Variants in POLA1 observed in about 807,000 individuals in gnomAD.
POLA1 encodes the protein DNA polymerase alpha catalytic subunit.
POLA1 carries 15 observed loss-of-function variants against 124.0 expected under a neutral mutation model. The ratio of observed to expected loss-of-function variants is 0.12; its 90% CI spans 0.08 to 0.19. The LOEUF is 0.19. Among genes scored for constraint, POLA1 ranks in the 10% least tolerant of loss-of-function variants. The pLI is 1.00. For synonymous variants in POLA1, 408 were observed against 389.4 expected (o/e 1.05, Z -0.56); for missense variants, 886 against 1,103.4 (o/e 0.80, Z 2.79).
rs560132636 is a variant in POLA1 at position 24,944,599 on chromosome X, G to A, written c.4261+14050G>A. Among the ~76,000 whole-genome samples the A allele has an allele frequency of 2.7e-5, 3 of 112,106 alleles. No individual in the cohort carries two copies. The Admixed American group carries it at 2.8e-4, about 11-fold the overall frequency. On this transcript the variant is annotated intron_variant, in intron 36 of 36. Transcript: ENST00000379068. ...GAAATATCTTTTTCATTGCAGCAGAGTGTCACTGTAACATGCTACAGGCAT... is the reference window on the plus strand; with the variant it reads ...GAAATATCTTTTTCATTGCAGCAGAATGTCACTGTAACATGCTACAGGCAT...
In POLA1 at chrX:24,821,454, A is replaced by G. The variant is rs2046086913; in HGVS notation, c.3432A>G (p.Ala1144=). The change falls in exon 31 of 37, where the codon GCA becomes GCG. Residue 1144 remains alanine (A), a splice_region_variant and synonymous_variant. Transcript: ENST00000379068. The part of the protein sequence containing the change: ...VPVSQFEINK[A]LTKDPQDYPD... ...AACTTTTTTGTTCCCTCTTTTAGGC[A>G]TTGACAAAGGATCCCCAGGATTACC... 8.3e-7 allele frequency: 1 copy of G among 1,202,332 alleles called. No individual in the cohort carries two copies. Among genetic ancestry groups the G allele is most frequent in the African/African-American group, 1.8e-5 (1 of 56,965 alleles).
chrX:24,852,067 G>A (rs2046569577), intron 34 of POLA1, among the ~76,000 whole-genome samples: 1 of 112,119 alleles, frequency 8.9e-6, no homozygotes, highest in Non-Finnish European at 1.9e-5. Context: ...GCCCTTTGTA[G>A]ATAGTTACAG....
At chrX:24,849,233 C>T (rs906794443) in intron 34 of POLA1, among the ~76,000 whole-genome samples, 7 of 112,825 alleles carry the variant, frequency 6.2e-5, no homozygotes, top group Non-Finnish European at 1.1e-4. Flanking sequence ...ATCCATCCCA[C>T]CCATTCAACA....
chrX:24,906,580 T>C (rs2047369588), intron 35 of POLA1, among the ~76,000 whole-genome samples: 1 of 110,635 alleles, frequency 9.0e-6, no homozygotes. Flanking sequence ...CAGTATACAA[T>C]GCTTAGGTGG....
In POLA1 at chrX:24,835,905, T is replaced by G. The variant is rs1011547237; in HGVS notation, c.3737-5747T>G. 1.5e-4 allele frequency among the ~76,000 whole-genome samples: 17 copies of G among 111,956 alleles called. 1 individual carries two copies. The highest frequency in any genetic ancestry group is 3.8e-5 in the Non-Finnish European group (2 of 53,174). On this transcript the variant is annotated intron_variant, in intron 32 of 36. Coordinates refer to ENST00000379068, the MANE Select transcript of POLA1 (RefSeq NM_001330360.2). The stretch of plus-strand genomic sequence containing the variant: ...TTTTCTCACCTTTCCAAGTGTGAAT[T>G]TTTCATAGTATAACATGCATACAGA...
At chrX:24,984,129 A>ATGTTGCTATCC (rs1421549013) in intron 36 of POLA1, among the ~76,000 whole-genome samples, 293 of 112,534 alleles carry the variant, frequency 2.6e-3, no homozygotes, top group Non-Finnish European at 3.4e-3. Flanking sequence ...CATAGCTTTA[A>ATGTTGCTATCC]ATGGATAGCA....
chrX:24,750,552 C>G (rs1463745554), intron 26 of POLA1, among the ~76,000 whole-genome samples: 3 of 112,451 alleles, frequency 2.7e-5, no homozygotes, highest in Non-Finnish European at 5.6e-5. Flanking sequence ...AGCCGTATCT[C>G]AAAGATTTGT....
At chrX:24,843,290 G>A (rs1441372737) in intron 33 of POLA1, among the ~76,000 whole-genome samples, 10 of 111,685 alleles carry the variant, frequency 9.0e-5, no homozygotes, top group East Asian at 2.8e-4. Flanking sequence ...AGAGTCCCTC[G>A]TATAGTGAAT....
chrX:24,694,838 G>C (rs952610928), intron 1 of POLA1, among the ~76,000 whole-genome samples: 5 of 112,193 alleles, frequency 4.5e-5, no homozygotes, highest in African/African-American at 9.7e-5. Context: ...CCATTAATGA[G>C]AACTCGCTTC....
rs192287717 is a variant in POLA1 at position 24,745,425 on chromosome X, T to C, written c.2574T>C (p.Tyr858=). 15 of 1,151,663 alleles carry C rather than the reference T, an allele frequency of 1.3e-5. No individual in the cohort carries two copies. In the East Asian group the frequency reaches 4.5e-4, roughly 34 times the overall value. 94.9% of individuals were successfully genotyped at this position (1,151,663 alleles called of 1,213,427 possible). A position where few individuals can be genotyped will look rare whatever the true frequency, so the allele number is the denominator to read the frequency against. The part of the protein sequence containing the change: ...GLVLDPKVGF[Y]DKFILLLDFN... ...GTGGCTTTTTAATTTCAGGTTTTTA[T>C]GATAAGTTCATTTTGCTTCTGGACT... The change falls in exon 24 of 37, where the codon TAT becomes TAC. Residue 858 remains tyrosine, a synonymous_variant. Coordinates refer to ENST00000379068, the MANE Select transcript of POLA1 (RefSeq NM_001330360.2).
intron 34 of POLA1, among the ~76,000 whole-genome samples, chrX:24,870,031 A>G (rs1002497901): frequency 4.5e-5 from 5 of 112,181 alleles, no homozygotes; most frequent in South Asian, 3.8e-4. Flanking sequence ...GTGACTTTAC[A>G]TATTATTTTG....
intron 35 of POLA1, among the ~76,000 whole-genome samples, chrX:24,908,175 A>G (rs2047394241): frequency 9.0e-6 from 1 of 111,501 alleles, no homozygotes; most frequent in Admixed American, 9.5e-5. Flanking sequence ...TTTTTTTTTA[A>G]TGATGCAACT....
intron 35 of POLA1, among the ~76,000 whole-genome samples, chrX:24,891,349 G>A (rs1353066043): frequency 1.8e-5 from 2 of 111,439 alleles, no homozygotes; most frequent in Non-Finnish European, 3.8e-5. Context: ...TTTCAGAGCA[G>A]GCTGGTTGGT....
chrX:24,915,726 G>A (rs1847775735), intron 35 of POLA1, among the ~76,000 whole-genome samples: 1 of 111,797 alleles, frequency 8.9e-6, no homozygotes, highest in African/African-American at 3.3e-5. Context: ...TGTCAACATT[G>A]GAATAGTGTT....
intron 11 of POLA1, 85 bp downstream of exon 11, chrX:24,723,352 A>G (rs1299723085): frequency 2.8e-5 from 16 of 576,009 alleles, no homozygotes; most frequent in East Asian, 2.0e-4. Flanking sequence ...CTCTCTTTCA[A>G]TAGGGCTACA....
intron 35 of POLA1, among the ~76,000 whole-genome samples, chrX:24,909,071 T>G (rs1033978024): frequency 8.9e-6 from 1 of 112,451 alleles, no homozygotes; most frequent in Non-Finnish European, 1.9e-5. Context: ...CGCCCACTTC[T>G]TAATGGGGTT....
chrX:24,813,492 A>G (rs2045937156), intron 29 of POLA1, among the ~76,000 whole-genome samples: 1 of 112,457 alleles, frequency 8.9e-6, no homozygotes, highest in Non-Finnish European at 1.9e-5. Context: ...TTTAAGGGTC[A>G]TATTAATGTA....
chrX:24,711,699 G>A (rs1929452883), intron 4 of POLA1, among the ~76,000 whole-genome samples: 1 of 111,187 alleles, frequency 9.0e-6, no homozygotes, highest in Admixed American at 9.5e-5. Flanking sequence ...CTGAGTTCAA[G>A]TGATTCTTCC....
At chrX:24,763,435 G>A (rs189967156) in intron 26 of POLA1, among the ~76,000 whole-genome samples, 50 of 111,081 alleles carry the variant, frequency 4.5e-4, no homozygotes, top group African/African-American at 1.5e-3. Context: ...CAGTTTGATC[G>A]TAGACATGTT....
Sources: allele counts gnomAD v4.1 joint callset (sites outside exome capture counted in the v4.1 genomes callset), GRCh38; gene constraint gnomAD v4.1.1; transcripts MANE v1.5; gene names NCBI Gene and HGNC (gene_info 2026-07-23, HGNC 2026-07-21).